Variants in EBF3 observed in about 807,000 individuals in gnomAD.
EBF3 encodes EBF transcription factor 3.
Under a neutral mutation model 77.1 loss-of-function variants are expected in EBF3, and 18 were observed. That is an observed-to-expected ratio of 0.23 (90% CI 0.16 to 0.35). The LOEUF (loss-of-function observed/expected upper bound fraction) is 0.35, where lower values mean the gene tolerates loss of function less well. Among genes scored for constraint, EBF3 ranks in the 10% least tolerant of loss-of-function variants. The pLI, the probability that EBF3 is intolerant of heterozygous loss-of-function variation, is 1.00. For missense variants in EBF3, 558 were observed against 860.0 expected (o/e 0.65, Z 4.39); for synonymous variants, 350 against 343.5 (o/e 1.02, Z -0.21).
At chr10:129,881,125 G>T (rs896574090) in intron 6 of EBF3, among the ~76,000 whole-genome samples, 1 of 152,074 alleles carries the variant, frequency 6.6e-6, no homozygotes, top group Non-Finnish European at 1.5e-5. Context: ...TAATACTCTT[G>T]TTATGAAAGG....
intron 10 of EBF3, among the ~76,000 whole-genome samples, chr10:129,849,891 G>T (rs1479502552): frequency 6.6e-6 from 1 of 152,194 alleles, no homozygotes; most frequent in Non-Finnish European, 1.5e-5. Flanking sequence ...AACTCTCTGT[G>T]ATGTAAATTC....
At chr10:129,839,974 G>A (rs576181978) in intron 15 of EBF3, among the ~76,000 whole-genome samples, 23 of 152,358 alleles carry the variant, frequency 1.5e-4, no homozygotes, top group African/African-American at 5.3e-4. Flanking sequence ...CCCCTTAGGG[G>A]CACAGGGTGC....
At chr10:129,907,342 C>A (rs1451864587) in intron 6 of EBF3, among the ~76,000 whole-genome samples, 4 of 152,116 alleles carry the variant, frequency 2.6e-5, no homozygotes, top group Non-Finnish European at 4.4e-5. Context: ...GCACAGGTAT[C>A]CTGCACTGAC....
At chr10:129,854,184 C>T (rs920336066) in intron 10 of EBF3, among the ~76,000 whole-genome samples, 9 of 152,050 alleles carry the variant, frequency 5.9e-5, no homozygotes, top group African/African-American at 1.9e-4. Flanking sequence ...CTAAGTTCTT[C>T]ACTTTATCAT....
At chr10:129,859,768 C>A (rs749929420) in intron 10 of EBF3, among the ~76,000 whole-genome samples, 4 of 152,212 alleles carry the variant, frequency 2.6e-5, no homozygotes, top group Non-Finnish European at 4.4e-5. Flanking sequence ...TCTATCGATT[C>A]CAGCCATGGG....
chr10:129,936,880 A>C (rs961910582), intron 6 of EBF3, among the ~76,000 whole-genome samples: 1 of 152,188 alleles, frequency 6.6e-6, no homozygotes, highest in Non-Finnish European at 1.5e-5. Context: ...GACACGAACA[A>C]ATCAAGGCAG....
rs1857949635 is a variant in EBF3 at position 129,943,589 on chromosome 10, A to G, written c.554+13669T>C. Among the ~76,000 whole-genome samples the G allele has an allele frequency of 6.6e-6, 1 of 152,220 alleles. No homozygotes were observed. Among genetic ancestry groups the G allele is most frequent in the South Asian group, 2.1e-4 (1 of 4,828 alleles). On this transcript the variant is annotated intron_variant, in intron 6 of 16. Transcript: ENST00000440978. This position sits in a 1 kb window ranked among gnomAD's most constrained non-coding sequence, Gnocchi z 8.8. Reference sequence around the variant, plus strand: ...CCTCAAGTGGTTGCCAGGAGTCGCCAGCCGGGCTTGGGAACAAGACAGGTC... The same window carrying G: ...CCTCAAGTGGTTGCCAGGAGTCGCCGGCCGGGCTTGGGAACAAGACAGGTC...
In EBF3 at chr10:129,840,917, G is replaced by A. The variant is rs1429610128; in HGVS notation, c.1488C>T (p.Gly496=). ...CAGGGACCCCTAGACTGGCCATGGC[G>A]CCACTTCCATATCCATTCATGCTAG... The part of the protein sequence containing the change: ...VSTSMNGYGS[G]AMASLGVPGS... The change falls in exon 14 of 17, where the codon GGC becomes GGT. Residue 496 remains glycine (G), a synonymous_variant. Transcript: ENST00000440978. 23 of 1,613,988 alleles carry A rather than the reference G, an allele frequency of 1.4e-5. No individual in the cohort carries two copies. The highest frequency in any genetic ancestry group is 1.6e-4 in the Middle Eastern group (1 of 6,082).
Position 129,943,023 on chromosome 10 carries a change from C to A in EBF3, c.554+14235G>T, listed in dbSNP as rs1234742459. On this transcript the variant is annotated intron_variant, in intron 6 of 16. Transcript: ENST00000440978. This position sits in a 1 kb window ranked among gnomAD's most constrained non-coding sequence, Gnocchi z 8.8. ...TCTAATGGGTGTTTTTCTCTGGATTCTAAGAGGAAGGTAGCAGATACAACC... is the reference window on the plus strand; with the variant it reads ...TCTAATGGGTGTTTTTCTCTGGATTATAAGAGGAAGGTAGCAGATACAACC... 6.6e-6 allele frequency among the ~76,000 whole-genome samples: 1 copy of A among 152,208 alleles called. No homozygotes were observed. Among genetic ancestry groups the A allele is most frequent in the Non-Finnish European group, 1.5e-5 (1 of 68,042 alleles).
intron 6 of EBF3, among the ~76,000 whole-genome samples, chr10:129,922,237 G>A (rs1856363783): frequency 6.6e-6 from 1 of 152,182 alleles, no homozygotes; most frequent in Non-Finnish European, 1.5e-5. Flanking sequence ...TCCGAAGTGG[G>A]CTGATTCCCA....
rs1853032277 is a variant in EBF3 at position 129,879,328 on chromosome 10, T to TTTC, written c.555-1482_555-1480dup. ...TCCAGCAAGGTCATCAACACAAACC[T>TTTC]TTCTCTACTTCCTCCCAAAATATCA... On this transcript the variant is annotated intron_variant, in intron 6 of 16. Coordinates refer to ENST00000440978, the MANE Select transcript of EBF3 (RefSeq NM_001375380.1). This position sits in a 1 kb window ranked among gnomAD's most constrained non-coding sequence, Gnocchi z 4.7. Among the ~76,000 whole-genome samples, 2 of 152,180 alleles carry TTTC rather than the reference T, an allele frequency of 1.3e-5. No individual in the cohort carries two copies. The highest frequency in any genetic ancestry group is 2.9e-5 in the Non-Finnish European group (2 of 68,046).
intron 5 of EBF3, among the ~76,000 whole-genome samples, chr10:129,958,647 C>T (rs144901920): frequency 1.1e-3 from 171 of 152,290 alleles, no homozygotes; most frequent in African/African-American, 3.9e-3. Flanking sequence ...TCCGGCACCG[C>T]GGACGGATGC....
At chr10:129,919,548 C>A (rs568119121) in intron 6 of EBF3, among the ~76,000 whole-genome samples, 1 of 152,270 alleles carries the variant, frequency 6.6e-6, no homozygotes, top group East Asian at 1.9e-4. Context: ...ACCCCAGGGG[C>A]CAGCTTAGGA....
At chr10:129,901,669 T>C (rs1854789724) in intron 6 of EBF3, among the ~76,000 whole-genome samples, 1 of 152,244 alleles carries the variant, frequency 6.6e-6, no homozygotes, top group South Asian at 2.1e-4. Flanking sequence ...TTCCTACCAA[T>C]TAGAGTAGCC....
intron 16 of EBF3, 140 bp downstream of exon 16, chr10:129,838,943 C>T (rs1849809497): frequency 3.9e-6 from 3 of 765,156 alleles, no homozygotes. Flanking sequence ...GGCCGCGGCA[C>T]CTCACCACCT....
intron 11 of EBF3, among the ~76,000 whole-genome samples, chr10:129,846,413 C>T (rs1379708650): frequency 6.6e-6 from 1 of 151,770 alleles, no homozygotes; most frequent in Non-Finnish European, 1.5e-5. Flanking sequence ...GGGGTGACGC[C>T]GAGGAGGGGG....
intron 6 of EBF3, among the ~76,000 whole-genome samples, chr10:129,922,049 G>A (rs1012762850): frequency 1.3e-5 from 2 of 152,218 alleles, no homozygotes; most frequent in Non-Finnish European, 2.9e-5. Flanking sequence ...AGGCTCATGA[G>A]GGCTGAGCCA....
chr10:129,882,970 A>T (rs1853311886), intron 6 of EBF3, among the ~76,000 whole-genome samples: 1 of 152,260 alleles, frequency 6.6e-6, no homozygotes, highest in Non-Finnish European at 1.5e-5. Flanking sequence ...TTGTCTCCTT[A>T]GAAATGCAGT....
intron 8 of EBF3, among the ~76,000 whole-genome samples, chr10:129,869,024 G>A (rs1852227673): frequency 6.6e-6 from 1 of 152,206 alleles, no homozygotes; most frequent in African/African-American, 2.4e-5. Flanking sequence ...GGAAGAATGG[G>A]CCATGTAGGC....
Sources: gnomAD v4.1 joint callset for allele counts (sites outside exome capture counted in the v4.1 genomes callset) on GRCh38, gnomAD v4.1.1 for gene constraint, Gnocchi (gnomAD v3.1) non-coding constraint, MANE v1.5 for transcripts, NCBI Gene and HGNC (gene_info 2026-07-23, HGNC 2026-07-21) for gene names.